The following TMEM209 variants were observed in gnomAD, a reference collection of about 807,000 sequenced individuals.
TMEM209 encodes the protein testicular tissue protein Li 202.
In TMEM209, 65 loss-of-function variants were observed where a neutral mutation model predicts 76.2. That is an observed-to-expected ratio of 0.85 (90% confidence interval 0.70 to 1.05). TMEM209 has a LOEUF of 1.05. Among genes scored for constraint, TMEM209 ranks in the 50% least tolerant of loss-of-function variants. TMEM209 has a pLI of 0.00. For missense variants in TMEM209, 623 were observed against 685.5 expected (o/e 0.91, Z 1.02); for synonymous variants, 239 against 237.6 (o/e 1.01, Z -0.06).
In TMEM209 at chr7:130,170,829, GA is replaced by G. The variant is rs1262536478; in HGVS notation, c.1558-357del. ...CGACAGAATGCCTCCCTGAGGGAAA[GA>G]TTTTTTTTTTTTTTTTGAGATGGAG... On this transcript the variant is annotated intron_variant, in intron 13 of 14. Coordinates refer to ENST00000397622, the MANE Select transcript of TMEM209 (RefSeq NM_032842.4). 1.7e-4 allele frequency among the ~76,000 whole-genome samples: 26 copies of G among 150,414 alleles called. No individual in the cohort carries two copies. The East Asian group carries it at 4.5e-3, about 26-fold the overall frequency.
At chr7:130,196,767 G>C (rs1372757778) in intron 5 of TMEM209, among the ~76,000 whole-genome samples, 1 of 152,140 alleles carries the variant, frequency 6.6e-6, no homozygotes, top group Non-Finnish European at 1.5e-5. Flanking sequence ...CTAGCATTCA[G>C]AACTATGAGA....
intron 13 of TMEM209, among the ~76,000 whole-genome samples, chr7:130,170,763 A>G (rs529098653): frequency 6.6e-6 from 1 of 152,302 alleles, no homozygotes; most frequent in African/African-American, 2.4e-5. Context: ...GAGGTGCCAT[A>G]GGAACATATG....
chr7:130,183,545 G>A (rs1797495540), intron 8 of TMEM209, among the ~76,000 whole-genome samples: 1 of 152,244 alleles, frequency 6.6e-6, no homozygotes, highest in South Asian at 2.1e-4. Context: ...ATGGATGAAT[G>A]TTGAAGGATG....
At chr7:130,169,066 G>A (rs1311527108) in intron 14 of TMEM209, among the ~76,000 whole-genome samples, 3 of 151,818 alleles carry the variant, frequency 2.0e-5, no homozygotes, top group East Asian at 1.9e-4. Context: ...GAGAAACCCC[G>A]TCTCTACCAA....
rs1354653997 is a variant in TMEM209 at position 130,185,709 on chromosome 7, T to C, written c.776-342A>G. On this transcript the variant is annotated intron_variant, in intron 6 of 14. Coordinates refer to ENST00000397622, the MANE Select transcript of TMEM209 (RefSeq NM_032842.4). Reference sequence around the variant, plus strand: ...AAGACAAATTTCTTTAGGAAATAAATAGGCCAAGCAAGTTCTTTATTTGAA... The same window carrying C: ...AAGACAAATTTCTTTAGGAAATAAACAGGCCAAGCAAGTTCTTTATTTGAA... Among the ~76,000 whole-genome samples the C allele has an allele frequency of 2.0e-5, 3 of 152,312 alleles. No individual in the cohort carries two copies. The East Asian group carries it at 5.8e-4, about 29-fold the overall frequency.
chr7:130,202,646 G>A lies in TMEM209; in HGVS notation c.217C>T (p.Leu73Phe), dbSNP rs1238567993. 6.2e-7 allele frequency: 1 copy of A among 1,613,404 alleles called. No homozygotes were observed. ...TCAAATAAGGCATTAAGGCTGAAGA[G>A]AGATGCAAGGGCAAGCTCTGGAAGA... ...LWYIELALASLFSLNALFDFW... is the reference protein window; with the variant it reads ...LWYIELALASFFSLNALFDFW... Residue 73 changes from leucine (L) to phenylalanine (F), a missense_variant, in exon 4 of 15, where the codon CTC becomes TTC. Physicochemically the swap from Leu to Phe is conservative, Grantham distance 22. Transcript: ENST00000397622.
chr7:130,187,379 G>A (rs1286723030), intron 6 of TMEM209, among the ~76,000 whole-genome samples: 1 of 152,104 alleles, frequency 6.6e-6, no homozygotes, highest in Non-Finnish European at 1.5e-5. Flanking sequence ...TAGCCTGTAA[G>A]AGGCTGCTGT....
At chr7:130,204,929 A>T in intron 1 of TMEM209, 1 of 1,058,132 alleles carries the variant, frequency 9.5e-7, no homozygotes, top group Non-Finnish European at 1.1e-6. Flanking sequence ...TTGTGTGTGG[A>T]TAAAGGACAA....
In TMEM209 at chr7:130,166,388, T is replaced by C; in HGVS notation, c.*63A>G. 2 of 1,341,726 alleles carry C rather than the reference T, an allele frequency of 1.5e-6. No homozygotes were observed. The highest frequency in any genetic ancestry group is 2.6e-5 in the East Asian group (1 of 39,204). The allele number at this position is 1,341,726 out of a possible 1,614,324, so 83.1% of individuals were successfully genotyped here. The stretch of plus-strand genomic sequence containing the variant: ...TTCAGAAGAGTCAGTGGCTCAGAGA[T>C]GTTTAGTTTCGACTTCTGGTTCAGT... On this transcript the variant is annotated 3_prime_UTR_variant, in exon 15 of 15. Coordinates refer to ENST00000397622, the MANE Select transcript of TMEM209 (RefSeq NM_032842.4).
At chr7:130,184,291 A>T in intron 7 of TMEM209, 36 bp from the exon 8 acceptor site, 2 of 1,435,566 alleles carry the variant, frequency 1.4e-6, no homozygotes, top group Non-Finnish European at 1.9e-6. Context: ...ACAATCAGTG[A>T]GGAAAAATCT....
At chr7:130,170,319 T>G (rs771003612) in intron 14 of TMEM209, 81 bp downstream of exon 14, 55 of 1,175,102 alleles carry the variant, frequency 4.7e-5, no homozygotes, top group Non-Finnish European at 5.8e-5. Context: ...TTCAGTTACA[T>G]GCTGCTGCCT....
At chr7:130,174,657 GCACACAAAAA>G (rs1797177392) in intron 11 of TMEM209, among the ~76,000 whole-genome samples, 2 of 152,076 alleles carry the variant, frequency 1.3e-5, no homozygotes, top group African/African-American at 2.4e-5. Context: ...AAACTTGTAA[GCACACAAAAA>G]CATTTATGTT....
intron 5 of TMEM209, among the ~76,000 whole-genome samples, chr7:130,197,574 G>C (rs1309686246): frequency 1.3e-5 from 2 of 152,134 alleles, no homozygotes; most frequent in Non-Finnish European, 2.9e-5. Context: ...TAATGCTACT[G>C]AACTATGCAC....
chr7:130,178,213 T>C (rs1454888771), intron 10 of TMEM209, among the ~76,000 whole-genome samples, 189 bp downstream of exon 10: 1 of 152,154 alleles, frequency 6.6e-6, no homozygotes, highest in Admixed American at 6.5e-5. Flanking sequence ...ATGAGTGAAA[T>C]AGTCACTGGA....
chr7:130,171,642 A>C (rs1470430486), intron 13 of TMEM209, among the ~76,000 whole-genome samples: 7 of 152,248 alleles, frequency 4.6e-5, no homozygotes, highest in Non-Finnish European at 5.9e-5. Context: ...TAGACAGCAC[A>C]ATTTATTATT....
intron 6 of TMEM209, among the ~76,000 whole-genome samples, chr7:130,188,551 A>C (rs532385323): frequency 7.3e-4 from 106 of 145,488 alleles, no homozygotes; most frequent in Non-Finnish European, 1.4e-3. Context: ...AGCCGAGATC[A>C]CACCACTGCA....
intron 14 of TMEM209, among the ~76,000 whole-genome samples, chr7:130,169,445 C>T (rs1210614462): frequency 6.6e-6 from 1 of 152,140 alleles, no homozygotes; most frequent in Non-Finnish European, 1.5e-5. Context: ...TCTATCCAAA[C>T]TAGCATTTCA....
At chr7:130,172,142 A>G (rs919188091) in intron 13 of TMEM209, among the ~76,000 whole-genome samples, 1 of 152,132 alleles carries the variant, frequency 6.6e-6, no homozygotes, top group African/African-American at 2.4e-5. Context: ...ACACAGCAAG[A>G]CTACCTCAAA....
intron 9 of TMEM209, among the ~76,000 whole-genome samples, chr7:130,180,280 GCTTATAT>G (rs1394413875): frequency 6.6e-6 from 1 of 152,000 alleles, no homozygotes; most frequent in African/African-American, 2.4e-5. Context: ...AGAGTCTTGG[GCTTATAT>G]CTAGAATATA....
Sources: allele counts gnomAD v4.1 joint callset (sites outside exome capture counted in the v4.1 genomes callset), GRCh38; gene constraint gnomAD v4.1.1; transcripts MANE v1.5; gene names NCBI Gene and HGNC (gene_info 2026-07-23, HGNC 2026-07-21).